KCNQ1: variants seen among roughly 807,000 people sequenced by gnomAD.
The protein encoded by KCNQ1 is potassium voltage-gated channel subfamily Q member 1.
KCNQ1 carries 49 observed loss-of-function variants against 72.4 expected under a neutral mutation model. That is an observed-to-expected ratio of 0.68 (90% CI 0.54 to 0.86). KCNQ1 has a LOEUF of 0.86. Ranked by LOEUF, KCNQ1 falls within the 40% of genes least tolerant of loss-of-function variation. The pLI is 0.00. For missense variants in KCNQ1, 790 were observed against 945.1 expected, an observed-to-expected ratio of 0.84 and a Z score of 2.15; for synonymous variants, 450 against 412.6, an observed-to-expected ratio of 1.09 and a Z score of -1.10.
At position 2,676,259 on chromosome 11, in the gene KCNQ1, T is replaced by A. The variant is rs1850292623; in HGVS notation, c.1514+14178T>A. On this transcript the variant is annotated intron_variant, in intron 11 of 15. Coordinates refer to ENST00000155840, the MANE Select transcript of KCNQ1 (RefSeq NM_000218.3). The surrounding 1 kb of genome is among the most constrained non-coding windows in gnomAD (Gnocchi z 4.2). The stretch of plus-strand genomic sequence containing the variant: ...TGGTGCAGTACATCTGAGAAGCATT[T>A]TTATTGCAAAATGTGTGTTTACATG... The A allele has an allele frequency of 5.0e-6, 2 of 398,528 alleles. 1 individual carries two copies. The highest frequency in any genetic ancestry group is 2.5e-4 in the South Asian group (2 of 7,866). The allele number at this position is 398,528 out of a possible 1,614,324, so 24.7% of individuals were successfully genotyped here.
Position 2,762,263 on chromosome 11 carries a change from T to G in KCNQ1, c.1515-6581T>G, listed in dbSNP as rs776207594. Among the ~76,000 whole-genome samples the G allele has an allele frequency of 1.8e-4, 28 of 152,214 alleles. No individual in the cohort carries two copies. Among genetic ancestry groups the G allele is most frequent in the Non-Finnish European group, 3.7e-4 (25 of 68,032 alleles). ...GTTTTCTGTTACAGTTCATACTGTT[T>G]GCGTTCCTTTAAAGACGTCTTTGCC... On this transcript the variant is annotated intron_variant, in intron 11 of 15. Transcript: ENST00000155840. The surrounding 1 kb of genome is among the most constrained non-coding windows in gnomAD (Gnocchi z 4.3).
At chr11:2,644,798 A>G in intron 10 of KCNQ1, 1 of 398,444 alleles carries the variant, frequency 2.5e-6, no homozygotes, top group Admixed American at 4.4e-5. Context: ...TCTCCATGGA[A>G]TTTTTTTCAG....
intron 15 of KCNQ1, among the ~76,000 whole-genome samples, chr11:2,791,780 G>A (rs987804685): frequency 7.5e-6 from 1 of 134,190 alleles, no homozygotes; most frequent in African/African-American, 2.7e-5. Context: ...TGGATGCCCA[G>A]GTCCTCGCCG....
chr11:2,838,345 G>A (rs1052945719), intron 15 of KCNQ1, among the ~76,000 whole-genome samples: 3 of 152,180 alleles, frequency 2.0e-5, no homozygotes, highest in Non-Finnish European at 2.9e-5. Context: ...GCCAGGGACC[G>A]GCGCGCCGGG....
At chr11:2,807,144 TCTG>T (rs1847391115) in intron 15 of KCNQ1, among the ~76,000 whole-genome samples, 2 of 152,244 alleles carry the variant, frequency 1.3e-5, no homozygotes. Context: ...CGTTTGGAAG[TCTG>T]CTAATTATTC....
intron 15 of KCNQ1, among the ~76,000 whole-genome samples, chr11:2,840,670 TAATA>T (rs1419934420): frequency 2.0e-5 from 3 of 152,000 alleles, no homozygotes; most frequent in Admixed American, 1.3e-4. Context: ...AACAAAAAAA[TAATA>T]AATGCCATAA....
chr11:2,621,457 A>T lies in KCNQ1; in HGVS notation c.1393+32603A>T. ...ATTCTGGACATAGGACCTTTGCCAG[A>T]TGAATAGTTTGCAAATATTTTTTCT... On this transcript the variant is annotated intron_variant, in intron 10 of 15. Coordinates refer to ENST00000155840, the MANE Select transcript of KCNQ1 (RefSeq NM_000218.3). The surrounding 1 kb of genome is among the most constrained non-coding windows in gnomAD (Gnocchi z 5.7). The T allele has an allele frequency of 5.0e-6, 2 of 398,600 alleles. No homozygotes were observed. The highest frequency in any genetic ancestry group is 8.8e-6 in the Non-Finnish European group (2 of 226,064). The allele number at this position is 398,600 out of a possible 1,614,324, so 24.7% of individuals were successfully genotyped here. A position where few individuals can be genotyped will look rare whatever the true frequency, so the allele number is the denominator to read the frequency against.
Position 2,691,499 on chromosome 11 carries a change from A to C in KCNQ1, c.1514+29418A>C, listed in dbSNP as rs966300613. The C allele has an allele frequency of 2.5e-6, 1 of 398,006 alleles. No homozygotes were observed. The highest frequency in any genetic ancestry group is 2.1e-5 in the African/African-American group (1 of 48,278). The allele number at this position is 398,006 out of a possible 1,614,324, so 24.7% of individuals were successfully genotyped here. A position where few individuals can be genotyped will look rare whatever the true frequency, so the allele number is the denominator to read the frequency against. On this transcript the variant is annotated intron_variant, in intron 11 of 15. Transcript: ENST00000155840. The surrounding 1 kb of genome is among the most constrained non-coding windows in gnomAD (Gnocchi z 6.4). ...TTTTCATCTCAGCCTATTCAAGGCC[A>C]TTTTTCAGCTTGCTTGGCTTTGCAT...
chr11:2,726,238 G>C (rs1477317173), intron 11 of KCNQ1, among the ~76,000 whole-genome samples: 3 of 152,224 alleles, frequency 2.0e-5, no homozygotes, highest in African/African-American at 4.8e-5. Context: ...GCTCGCTCAC[G>C]AGATGTGTGC....
intron 1 of KCNQ1, among the ~76,000 whole-genome samples, chr11:2,448,420 C>G (rs1166396645): frequency 2.6e-5 from 4 of 152,210 alleles, no homozygotes; most frequent in South Asian, 2.1e-4. Context: ...GAAGCAGGTC[C>G]CAGAGGTGGA....
At position 2,674,879 on chromosome 11, in the gene KCNQ1, C is replaced by A; in HGVS notation, c.1514+12798C>A. 2.9e-6 allele frequency: 1 copy of A among 348,894 alleles called. No individual in the cohort carries two copies. 21.6% of individuals were successfully genotyped at this position (348,894 alleles called of 1,614,324 possible). A position where few individuals can be genotyped will look rare whatever the true frequency, so the allele number is the denominator to read the frequency against. ...AAAAAAAGCTCACTGGGCACCTTGG[C>A]TGCAGGGTCTGAAAAGTCCTTTGTG... On this transcript the variant is annotated intron_variant, in intron 11 of 15. Coordinates refer to ENST00000155840, the MANE Select transcript of KCNQ1 (RefSeq NM_000218.3). This position sits in a 1 kb window ranked among gnomAD's most constrained non-coding sequence, Gnocchi z 5.9.
At position 2,653,097 on chromosome 11, in the gene KCNQ1, G is replaced by A. The variant is rs1263108804; in HGVS notation, c.1394-8864G>A. ...CCTCATACAGCAGGGTGTGGAGAGA[G>A]GCTCACTGAAGGTTTGGGGAGATGA... On this transcript the variant is annotated intron_variant, in intron 10 of 15. Transcript: ENST00000155840. This position sits in a 1 kb window ranked among gnomAD's most constrained non-coding sequence, Gnocchi z 5.3. 7.3e-5 allele frequency: 29 copies of A among 398,612 alleles called. No individual in the cohort carries two copies. The highest frequency in any genetic ancestry group is 1.2e-3 in the Middle Eastern group (2 of 1,610). 24.7% of individuals were successfully genotyped at this position (398,612 alleles called of 1,614,324 possible).
At chr11:2,461,549 CG>C (rs1156773362) in intron 1 of KCNQ1, 4 of 1,350,286 alleles carry the variant, frequency 3.0e-6, no homozygotes, top group Non-Finnish European at 3.9e-6. Flanking sequence ...GCACTGGTGC[CG>C]GGCCTGGATT....
At chr11:2,655,179 G>C (rs1216332333) in intron 10 of KCNQ1, 1 of 398,500 alleles carries the variant, frequency 2.5e-6, no homozygotes, top group Non-Finnish European at 4.4e-6. Flanking sequence ...CTCTTGAGAG[G>C]GTGAGACTTG....
intron 10 of KCNQ1, chr11:2,641,584 G>A: frequency 2.5e-6 from 1 of 398,372 alleles, no homozygotes; most frequent in Non-Finnish European, 4.4e-6. Context: ...CATTCAACAG[G>A]CTGTCTCTTC....
rs1850864379 is a variant in KCNQ1, at chr11:2,703,978, G to A, written c.1514+41897G>A. ...CTCAGGAGTGGACAGGAACGTGGGGGAGTGGGGGTGGTTAGGACCTCAGGG... is the reference window on the plus strand; with the variant it reads ...CTCAGGAGTGGACAGGAACGTGGGGAAGTGGGGGTGGTTAGGACCTCAGGG... On this transcript the variant is annotated intron_variant, in intron 11 of 15. Transcript: ENST00000155840. This position sits in a 1 kb window ranked among gnomAD's most constrained non-coding sequence, Gnocchi z 6.4. Among the ~76,000 whole-genome samples the A allele has an allele frequency of 6.6e-6, 1 of 152,258 alleles. No individual in the cohort carries two copies. The highest frequency in any genetic ancestry group is 1.9e-4 in the East Asian group (1 of 5,192).
At chr11:2,534,588 C>G (rs1847698069) in intron 2 of KCNQ1, among the ~76,000 whole-genome samples, 1 of 152,244 alleles carries the variant, frequency 6.6e-6, no homozygotes, top group Admixed American at 6.5e-5. Context: ...GGGCAACTCC[C>G]CACTAGACTG....
rs577402409 is a variant in KCNQ1 at position 2,559,068 on chromosome 11, G to T, written c.478-11560G>T. On this transcript the variant is annotated intron_variant, in intron 2 of 15. Coordinates refer to ENST00000155840, the MANE Select transcript of KCNQ1 (RefSeq NM_000218.3). The surrounding 1 kb of genome is among the most constrained non-coding windows in gnomAD (Gnocchi z 4.9). ...CCCAGAGCTACGGACAAGGGGCAAG[G>T]TGGGGCTGGAGGCACCGGCTCAGCA... Among the ~76,000 whole-genome samples the T allele has an allele frequency of 6.6e-6, 1 of 151,970 alleles. No homozygotes were observed. Among genetic ancestry groups the T allele is most frequent in the South Asian group, 2.1e-4 (1 of 4,806 alleles).
At chr11:2,512,126 G>A (rs1376691957) in intron 1 of KCNQ1, among the ~76,000 whole-genome samples, 1 of 152,182 alleles carries the variant, frequency 6.6e-6, no homozygotes, top group Admixed American at 6.5e-5. Context: ...CTTCCCATGG[G>A]CCATACACAC....
Sources: allele counts gnomAD v4.1 joint callset (sites outside exome capture counted in the v4.1 genomes callset), GRCh38; gene constraint gnomAD v4.1.1; non-coding constraint Gnocchi (gnomAD v3.1); transcripts MANE v1.5; gene names NCBI Gene and HGNC (gene_info 2026-07-23, HGNC 2026-07-21).